ARL6IP6: variants seen among roughly 807,000 people sequenced by gnomAD.
ARL6IP6 encodes ARF like GTPase 6 interacting protein 6.
In ARL6IP6, 22 loss-of-function variants were observed where a neutral mutation model predicts 21.5. That is an observed-to-expected ratio of 1.02 (90% CI 0.73 to 1.46). The LOEUF (loss-of-function observed/expected upper bound fraction) is 1.46. ARL6IP6 is among the 40% of genes most tolerant of loss of function. ARL6IP6 has a pLI of 0.00. For missense variants in ARL6IP6, 388 were observed against 299.8 expected (o/e 1.29, Z -2.17); for synonymous variants, 164 against 125.3 (o/e 1.31, Z -2.06).
At chr2:152,738,618 C>G (rs1378394639) in intron 3 of ARL6IP6, among the ~76,000 whole-genome samples, 1 of 152,200 alleles carries the variant, frequency 6.6e-6, no homozygotes. Context: ...TCTGAAGCAA[C>G]AGTGTACATT....
chr2:152,746,472 AC>A (rs1701052068), intron 3 of ARL6IP6, among the ~76,000 whole-genome samples: 1 of 152,244 alleles, frequency 6.6e-6, no homozygotes, highest in African/African-American at 2.4e-5. Context: ...TTGTTTAACA[AC>A]CTATAAATTA....
At chr2:152,759,079 A>G (rs1701714471) in intron 3 of ARL6IP6, among the ~76,000 whole-genome samples, 2 of 152,160 alleles carry the variant, frequency 1.3e-5, no homozygotes, top group South Asian at 2.1e-4. Context: ...AGTTAGTGGG[A>G]AAAACTGTTG....
At chr2:152,757,577 C>CT (rs1701647687) in intron 3 of ARL6IP6, among the ~76,000 whole-genome samples, 1 of 152,254 alleles carries the variant, frequency 6.6e-6, no homozygotes, top group Admixed American at 6.5e-5. Context: ...TGTTAACAGA[C>CT]TTTAGAGATC....
chr2:152,728,039 T>C (rs968949852), intron 2 of ARL6IP6, among the ~76,000 whole-genome samples: 1 of 152,236 alleles, frequency 6.6e-6, no homozygotes, highest in African/African-American at 2.4e-5. Context: ...TACATATGTA[T>C]AGTCATTTAA....
intron 2 of ARL6IP6, among the ~76,000 whole-genome samples, chr2:152,731,364 A>C (rs887118471): frequency 6.6e-6 from 1 of 152,210 alleles, no homozygotes; most frequent in Non-Finnish European, 1.5e-5. Flanking sequence ...CAAGATTTAC[A>C]AACAGTCCAT....
intron 3 of ARL6IP6, among the ~76,000 whole-genome samples, chr2:152,750,122 T>A (rs1480167000): frequency 2.0e-5 from 3 of 152,178 alleles, no homozygotes; most frequent in African/African-American, 4.8e-5. Flanking sequence ...GGTAAAAAAC[T>A]GTACATAATC....
At chr2:152,743,662 T>C (rs1700917451) in intron 3 of ARL6IP6, among the ~76,000 whole-genome samples, 1 of 152,144 alleles carries the variant, frequency 6.6e-6, no homozygotes, top group Non-Finnish European at 1.5e-5. Context: ...GCTAAAGATA[T>C]CCATAGATAT....
intron 3 of ARL6IP6, among the ~76,000 whole-genome samples, chr2:152,747,256 C>T (rs1701100017): frequency 6.6e-6 from 1 of 152,224 alleles, no homozygotes; most frequent in Admixed American, 6.5e-5. Flanking sequence ...GTGACTAGTA[C>T]AGCCATGACT....
At chr2:152,740,035 G>T (rs1249398387) in intron 3 of ARL6IP6, among the ~76,000 whole-genome samples, 1 of 152,186 alleles carries the variant, frequency 6.6e-6, no homozygotes. Context: ...TATGAGAACT[G>T]CAATTCAGGA....
intron 2 of ARL6IP6, among the ~76,000 whole-genome samples, chr2:152,732,070 T>G (rs935668660): frequency 6.6e-6 from 1 of 152,056 alleles, no homozygotes; most frequent in African/African-American, 2.4e-5. Context: ...TTTCAATCTA[T>G]GTTATTATGA....
intron 2 of ARL6IP6, among the ~76,000 whole-genome samples, chr2:152,727,241 A>C (rs1312812763): frequency 1.3e-5 from 2 of 152,256 alleles, no homozygotes; most frequent in Non-Finnish European, 2.9e-5. Flanking sequence ...TCAACAAAGA[A>C]GTTTAAAAAC....
At chr2:152,732,962 G>A (rs1018934357) in intron 2 of ARL6IP6, among the ~76,000 whole-genome samples, 2 of 150,910 alleles carry the variant, frequency 1.3e-5, no homozygotes, top group African/African-American at 2.5e-5. Context: ...GGATAGGAAG[G>A]GCTGACTGTA....
At chr2:152,717,675 T>A, upstream of ARL6IP6, 1 of 1,397,538 alleles carries the variant, frequency 7.2e-7, no homozygotes. Context: ...CTGCGCCGAG[T>A]CCTCCGTCGG....
At chr2:152,752,836 G>T (rs933436636) in intron 3 of ARL6IP6, among the ~76,000 whole-genome samples, 1 of 152,162 alleles carries the variant, frequency 6.6e-6, no homozygotes, top group African/African-American at 2.4e-5. Flanking sequence ...TTTCAGTTTA[G>T]CTTTAAGAAG....
chr2:152,752,411 G>A (rs796919999), intron 3 of ARL6IP6, among the ~76,000 whole-genome samples: 3 of 152,208 alleles, frequency 2.0e-5, no homozygotes, highest in African/African-American at 7.2e-5. Flanking sequence ...CTAGTACCAG[G>A]GTTACTTTTA....
chr2:152,742,151 T>C (rs993044870), intron 3 of ARL6IP6, among the ~76,000 whole-genome samples: 2 of 152,202 alleles, frequency 1.3e-5, no homozygotes, highest in Non-Finnish European at 2.9e-5. Context: ...TAACAGTGTA[T>C]ATATAGTCAG....
upstream of ARL6IP6, chr2:152,718,367 C>T: frequency 2.4e-6 from 1 of 418,808 alleles, no homozygotes; most frequent in East Asian, 4.0e-5. Flanking sequence ...TCGGCCTCCG[C>T]TCGCTTCTCC....
At chr2:152,757,153 A>G (rs1167790424) in intron 3 of ARL6IP6, among the ~76,000 whole-genome samples, 2 of 152,216 alleles carry the variant, frequency 1.3e-5, no homozygotes, top group Non-Finnish European at 2.9e-5. Flanking sequence ...GTATGATGCC[A>G]TGTAGATGTA....
chr2:152,747,299 G>T (rs1023073315), intron 3 of ARL6IP6, among the ~76,000 whole-genome samples: 12 of 152,136 alleles, frequency 7.9e-5, no homozygotes, highest in African/African-American at 1.2e-4. Context: ...AGCTTTCCAG[G>T]TCTTTCATTC....
Sources: gnomAD v4.1 joint callset for allele counts (sites outside exome capture counted in the v4.1 genomes callset) on GRCh38, gnomAD v4.1.1 for gene constraint, MANE v1.5 for transcripts, NCBI Gene and HGNC (gene_info 2026-07-23, HGNC 2026-07-21) for gene names.